Variants in PHRF1 observed in about 807,000 individuals in gnomAD.
PHRF1 encodes PHD and ring finger domains 1.
In PHRF1, 53 loss-of-function variants were observed where a neutral mutation model predicts 128.9. That is an observed-to-expected ratio of 0.41 (90% CI 0.33 to 0.52). PHRF1 has a LOEUF of 0.52. Ranked by LOEUF, PHRF1 falls within the 20% of genes least tolerant of loss-of-function variation. PHRF1 has a pLI of 0.21. For missense variants in PHRF1, 2,503 were observed against 2,284.5 expected, an observed-to-expected ratio of 1.10 and a Z score of -1.95; for synonymous variants, 1,178 against 980.6, an observed-to-expected ratio of 1.20 and a Z score of -3.76.
chr11:602,662 C>T lies in PHRF1; in HGVS notation c.1152+961C>T, dbSNP rs370130680. Among the ~76,000 whole-genome samples, 47 of 152,008 alleles carry T rather than the reference C, an allele frequency of 3.1e-4. 2 individuals are homozygous for T. In the South Asian group the frequency reaches 9.3e-3, roughly 30 times the overall value. ...CACCACTGCACTCCAGCCTGGGAGACGAGAGCAAAACTCTGCCTCAAAAAC... is the reference window on the plus strand; with the variant it reads ...CACCACTGCACTCCAGCCTGGGAGATGAGAGCAAAACTCTGCCTCAAAAAC... On this transcript the variant is annotated intron_variant, in intron 10 of 17. Transcript: ENST00000264555.
intron 10 of PHRF1, 80 bp from the exon 11 acceptor site, chr11:605,039 G>T (rs370071655): frequency 1.4e-5 from 19 of 1,383,912 alleles, no homozygotes; most frequent in East Asian, 1.3e-4. Context: ...GCTGATGAAG[G>T]CTTCACGTGG....
rs1432464229 is a variant in PHRF1 at position 605,160 on chromosome 11, C to T, written c.1194C>T (p.Gly398=). The change falls in exon 11 of 18, where the codon GGC becomes GGT. Residue 398 remains glycine, a synonymous_variant. Transcript: ENST00000264555. ...TTRSRIARTL[G]LRRPVHSSCI... The stretch of plus-strand genomic sequence containing the variant: ...GCTCTCGAATCGCGCGGACGCTGGG[C>T]CTGCGCAGGCCTGTTCACAGCAGCT... 3 of 1,613,394 alleles carry T rather than the reference C, an allele frequency of 1.9e-6. No individual in the cohort carries two copies. In the South Asian group the frequency reaches 3.3e-5, roughly 18 times the overall value.
chr11:587,863 A>G (rs903260776), intron 4 of PHRF1, among the ~76,000 whole-genome samples: 2 of 152,200 alleles, frequency 1.3e-5, no homozygotes, highest in African/African-American at 2.4e-5. Context: ...TTTGGCATTC[A>G]TTCACAATAA....
chr11:581,901 C>G, intron 2 of PHRF1, 61 bp from the exon 3 acceptor site: 1 of 1,498,694 alleles, frequency 6.7e-7, no homozygotes, highest in East Asian at 2.5e-5. Context: ...GCAAAGCAAC[C>G]TGCTCTCTGC....
rs761909912 is a variant in PHRF1, at chr11:609,072, C to T, written c.3616C>T (p.Leu1206Phe). The T allele has an allele frequency of 6.2e-6, 10 of 1,600,708 alleles. No individual in the cohort carries two copies. In the African/African-American group the frequency reaches 1.3e-4, roughly 21 times the overall value. The change falls in exon 14 of 18, where the codon CTT (leucine) becomes TTT (phenylalanine). Residue 1206 changes from leucine (L) to phenylalanine (F), a missense_variant. Transcript: ENST00000264555. ...GAVREASPAP[L>F]AQGEPGREDL... ...TGTGAGGGAGGCTTCCCCAGCGCCC[C>T]TTGCACAGGGGGAGCCAGGGCGGGA...
At position 610,190 on chromosome 11, in the gene PHRF1, C is replaced by T; in HGVS notation, c.4265-6C>T. 2.7e-6 allele frequency: 4 copies of T among 1,505,318 alleles called. No individual in the cohort carries two copies. Among genetic ancestry groups the T allele is most frequent in the Non-Finnish European group, 3.6e-6 (4 of 1,121,066 alleles). 93.2% of individuals were successfully genotyped at this position (1,505,318 alleles called of 1,614,324 possible). ...GCACCCACCTCCCTGTCTGTCGGGC[C>T]CCCAGGGGCACCACTTCACAGGCCA... On this transcript the variant is annotated splice_region_variant and splice_polypyrimidine_tract_variant and intron_variant, in intron 14 of 17. Transcript: ENST00000264555.
chr11:605,411 A>C (rs1252577915), intron 11 of PHRF1, 111 bp downstream of exon 11: 1 of 1,490,104 alleles, frequency 6.7e-7, no homozygotes, highest in Non-Finnish European at 9.1e-7. Context: ...TTTGAGAGTG[A>C]GGGTGGCCAT....
intron 1 of PHRF1, among the ~76,000 whole-genome samples, chr11:577,288 C>T (rs1853926810): frequency 6.6e-6 from 1 of 152,258 alleles, no homozygotes; most frequent in South Asian, 2.1e-4. Context: ...AGCCCCGACT[C>T]CTACCATGCT....
At chr11:585,921 G>A (rs1354972854) in intron 3 of PHRF1, among the ~76,000 whole-genome samples, 4 of 152,046 alleles carry the variant, frequency 2.6e-5, no homozygotes, top group Non-Finnish European at 4.4e-5. Flanking sequence ...GAGTGCAATC[G>A]TGCAGTCTAG....
Position 608,331 on chromosome 11 carries a change from A to T in PHRF1, c.2875A>T (p.Thr959Ser). 6.2e-7 allele frequency: 1 copy of T among 1,609,858 alleles called. No homozygotes were observed. Among genetic ancestry groups the T allele is most frequent in the Middle Eastern group, 1.7e-4 (1 of 5,910 alleles). Residue 959 changes from threonine (T) to serine (S), a missense_variant, in exon 14 of 18, where the codon ACG (threonine) becomes TCG (serine). Thr to Ser is a moderately conservative substitution (Grantham distance 58, BLOSUM62 1). Coordinates refer to ENST00000264555, the MANE Select transcript of PHRF1 (RefSeq NM_001286581.2). ...CACCTTCTTTGGCTCTGAGGAGCGG[A>T]CGGTGACCTGTGTGACTGTCGTGGA... ...CSTFFGSEER[T>S]VTCVTVVEPE...
intron 4 of PHRF1, among the ~76,000 whole-genome samples, chr11:591,062 G>A (rs1311515473): frequency 1.3e-5 from 2 of 152,216 alleles, no homozygotes; most frequent in East Asian, 1.9e-4. Context: ...GGAAAAGTTA[G>A]CAGAAGACTT....
rs768320967 is a variant in PHRF1, at chr11:608,993, G to A, written c.3537G>A (p.Arg1179=). The change falls in exon 14 of 18, where the codon CGG becomes CGA. Residue 1179 remains arginine (R), a synonymous_variant. Coordinates refer to ENST00000264555, the MANE Select transcript of PHRF1 (RefSeq NM_001286581.2). ...GGGCACGGGAGCACAGGCGGCCTCG[G>A]TCCCGTGAGAAGTGGCCGCAGACCC... ...EHRAREHRRP[R]SREKWPQTRS... is the part of the protein sequence containing the mutation. 3 of 1,604,654 alleles carry A rather than the reference G, an allele frequency of 1.9e-6. No individual in the cohort carries two copies.
intron 10 of PHRF1, among the ~76,000 whole-genome samples, chr11:602,551 A>G (rs531340473): frequency 1.3e-5 from 2 of 151,954 alleles, no homozygotes; most frequent in African/African-American, 4.8e-5. Context: ...GTGTGGTGGC[A>G]GGCACCTGCA....
intron 6 of PHRF1, among the ~76,000 whole-genome samples, chr11:596,126 G>C (rs1034963627): frequency 6.6e-6 from 1 of 152,114 alleles, no homozygotes; most frequent in Admixed American, 6.5e-5. Context: ...TTGAATTCAG[G>C]CTCAATTTTC....
chr11:604,806 G>A (rs896016778), intron 10 of PHRF1, among the ~76,000 whole-genome samples: 1 of 152,130 alleles, frequency 6.6e-6, no homozygotes, highest in African/African-American at 2.4e-5. Context: ...GCCATCAAGG[G>A]GTTTTACTGT....
chr11:607,520 T>C lies in PHRF1; in HGVS notation c.2064T>C (p.Asp688=). The part of the protein sequence containing the change: ...ELPRIPKIRR[D]DGGGRRDAAP... Reference sequence around the variant, plus strand: ...CCAGGATACCAAAGATCAGGAGAGATGACGGTGGTGGCAGACGGGATGCGG... The same window carrying C: ...CCAGGATACCAAAGATCAGGAGAGACGACGGTGGTGGCAGACGGGATGCGG... The change falls in exon 14 of 18, where the codon GAT becomes GAC. Residue 688 remains aspartate (D), a synonymous_variant. Coordinates refer to ENST00000264555, the MANE Select transcript of PHRF1 (RefSeq NM_001286581.2). 6.2e-7 allele frequency: 1 copy of C among 1,612,686 alleles called. No individual in the cohort carries two copies. Among genetic ancestry groups the C allele is most frequent in the Non-Finnish European group, 8.5e-7 (1 of 1,179,880 alleles).
rs774720375 is a variant in PHRF1, at chr11:610,212, G to A, written c.4281G>A (p.Arg1427=). 2.0e-5 allele frequency: 31 copies of A among 1,535,500 alleles called. No individual in the cohort carries two copies. The highest frequency in any genetic ancestry group is 2.7e-5 in the Non-Finnish European group (31 of 1,137,798). Residue 1427 remains arginine, a synonymous_variant, in exon 15 of 18, where the codon AGG becomes AGA. Transcript: ENST00000264555. The part of the protein sequence containing the change: ...EDRAPRAPLH[R]PQKPREGAWD... ...GGCCCCCAGGGGCACCACTTCACAG[G>A]CCACAGAAGCCCCGAGAAGGAGCCT...
chr11:586,111 T>C (rs1461561814), intron 3 of PHRF1, among the ~76,000 whole-genome samples: 2 of 152,180 alleles, frequency 1.3e-5, no homozygotes, highest in East Asian at 3.9e-4. Context: ...TCCACCTGCC[T>C]CAGCCTCCCA....
At position 612,175 on chromosome 11, in the gene PHRF1, T is replaced by C. The variant is rs1856451219; in HGVS notation, c.*398T>C. On this transcript the variant is annotated 3_prime_UTR_variant, in exon 18 of 18. Transcript: ENST00000264555. ...GGTGGCCTCCCGCCAACAGCTGCTG[T>C]GTACCTTTGGCTCTGAATTAGGAAT... 1 of 317,416 alleles carries C rather than the reference T, an allele frequency of 3.2e-6. No individual in the cohort carries two copies. The highest frequency in any genetic ancestry group is 5.8e-6 in the Non-Finnish European group (1 of 170,974). The allele number at this position is 317,416 out of a possible 1,614,324, so 19.7% of individuals were successfully genotyped here. A position where few individuals can be genotyped will look rare whatever the true frequency, so the allele number is the denominator to read the frequency against.
Sources: gnomAD v4.1 joint callset for allele counts (sites outside exome capture counted in the v4.1 genomes callset) on GRCh38, gnomAD v4.1.1 for gene constraint, MANE v1.5 for transcripts, NCBI Gene and HGNC (gene_info 2026-07-23, HGNC 2026-07-21) for gene names.